Variants in VGLL4 observed in about 807,000 individuals in gnomAD.
VGLL4 encodes the protein vestigial like family member 4.
VGLL4 carries 7 observed loss-of-function variants against 21.0 expected under a neutral mutation model. The observed-to-expected ratio is 0.33, with a 90% CI of 0.19 to 0.63. The LOEUF is 0.63. VGLL4 is among the 20% of genes least tolerant of loss of function. The pLI, the probability that VGLL4 is intolerant of heterozygous loss-of-function variation, is 0.78. For synonymous variants in VGLL4, 222 were observed against 173.2 expected, an observed-to-expected ratio of 1.28 and a Z score of -2.21; for missense variants, 394 against 425.7, an observed-to-expected ratio of 0.93 and a Z score of 0.66.
chr3:11,703,370 T>G (rs2076710612), intron 1 of VGLL4, among the ~76,000 whole-genome samples: 1 of 152,210 alleles, frequency 6.6e-6, no homozygotes, highest in South Asian at 2.1e-4. Context: ...TGTATAAACA[T>G]GCCCAATAAA....
chr3:11,560,174 C>T (rs2072852941), intron 3 of VGLL4, among the ~76,000 whole-genome samples: 1 of 152,212 alleles, frequency 6.6e-6, no homozygotes, highest in Non-Finnish European at 1.5e-5. Flanking sequence ...TTCACTCCTG[C>T]TCCCCTAACC....
At chr3:11,665,220 T>TC (rs2076102486) in intron 2 of VGLL4, among the ~76,000 whole-genome samples, 1 of 147,364 alleles carries the variant, frequency 6.8e-6, no homozygotes, top group African/African-American at 2.5e-5. Context: ...TTCACGCCAT[T>TC]CTCCTGCCTC....
intron 1 of VGLL4, among the ~76,000 whole-genome samples, chr3:11,623,128 C>T (rs2075296262): frequency 6.6e-6 from 1 of 152,104 alleles, no homozygotes; most frequent in Admixed American, 6.5e-5. Flanking sequence ...ATCCTAGCAT[C>T]CACAGGAACC....
At chr3:11,676,202 A>G (rs1484275254) in intron 2 of VGLL4, among the ~76,000 whole-genome samples, 1 of 152,050 alleles carries the variant, frequency 6.6e-6, no homozygotes, top group Non-Finnish European at 1.5e-5. Flanking sequence ...CCTGGCTAAC[A>G]CGGTGAAACC....
intron 1 of VGLL4, among the ~76,000 whole-genome samples, chr3:11,718,355 T>C (rs544857307): frequency 1.3e-5 from 2 of 152,198 alleles, no homozygotes; most frequent in South Asian, 2.1e-4. Flanking sequence ...ATTGAGAGCA[T>C]TGGGACTTAG....
chr3:11,589,635 A>C (rs1289310765), intron 2 of VGLL4, among the ~76,000 whole-genome samples: 1 of 152,208 alleles, frequency 6.6e-6, no homozygotes, highest in Non-Finnish European at 1.5e-5. Flanking sequence ...GCCATAACAA[A>C]ATACTGTGGA....
At chr3:11,560,721 C>G (rs1348900593) in intron 3 of VGLL4, among the ~76,000 whole-genome samples, 2 of 152,200 alleles carry the variant, frequency 1.3e-5, no homozygotes, top group East Asian at 1.9e-4. Flanking sequence ...AGCAGACCAA[C>G]CAAGAATTCA....
intron 1 of VGLL4, among the ~76,000 whole-genome samples, chr3:11,606,145 G>C (rs2074935794): frequency 6.6e-6 from 1 of 152,186 alleles, no homozygotes; most frequent in South Asian, 2.1e-4. Context: ...ATGAGAATGA[G>C]AGAAAGGGGT....
Position 11,653,944 on chromosome 3 carries a change from A to C in VGLL4, c.64+49027T>G, listed in dbSNP as rs1575498062. On this transcript the variant is annotated intron_variant, in intron 2 of 5. Coordinates refer to the VGLL4 transcript ENST00000273038. This position sits in a 1 kb window ranked among gnomAD's most constrained non-coding sequence, Gnocchi z 4.2. ...ACACAGAGGGAAGGGCCCCGGCCAG[A>C]GGCTCTCAACCAAGGAGATTCTGCC... Among the ~76,000 whole-genome samples, 1 of 152,132 alleles carries C rather than the reference A, an allele frequency of 6.6e-6. No individual in the cohort carries two copies. The highest frequency in any genetic ancestry group is 2.4e-5 in the African/African-American group (1 of 41,448).
intron 1 of VGLL4, among the ~76,000 whole-genome samples, chr3:11,626,919 C>T (rs1183775224): frequency 1.3e-5 from 2 of 149,192 alleles, no homozygotes; most frequent in Admixed American, 1.3e-4. Context: ...GATGTCTTGC[C>T]CTCAAGGAAT....
chr3:11,618,960 G>GAA (rs1426318993), intron 1 of VGLL4, among the ~76,000 whole-genome samples: 1 of 152,174 alleles, frequency 6.6e-6, no homozygotes, highest in African/African-American at 2.4e-5. Flanking sequence ...GAGAAGCCAG[G>GAA]AAGGGCTGAC....
intron 2 of VGLL4, among the ~76,000 whole-genome samples, chr3:11,588,713 G>T (rs563251831): frequency 6.6e-6 from 1 of 152,386 alleles, no homozygotes; most frequent in African/African-American, 2.4e-5. Context: ...CAAATGGAAA[G>T]AGAGTTGTAT....
intron 1 of VGLL4, among the ~76,000 whole-genome samples, chr3:11,704,297 C>T (rs2076725889): frequency 6.8e-6 from 1 of 146,210 alleles, no homozygotes; most frequent in Non-Finnish European, 1.5e-5. Context: ...GCAGGAAGAT[C>T]GCTTGTACCC....
At chr3:11,698,370 G>A (rs754189874) in intron 2 of VGLL4, among the ~76,000 whole-genome samples, 9 of 152,058 alleles carry the variant, frequency 5.9e-5, no homozygotes, top group Admixed American at 2.6e-4. Flanking sequence ...TTAGCTGGGC[G>A]TGGTGACACA....
intron 3 of VGLL4, among the ~76,000 whole-genome samples, chr3:11,561,134 C>CCA (rs374477829): frequency 1.3e-5 from 2 of 151,718 alleles, no homozygotes; most frequent in African/African-American, 4.9e-5. Flanking sequence ...GACCCCCCCC[C>CCA]AGGGTCCTCC....
At chr3:11,617,538 C>A (rs1241677714) in intron 1 of VGLL4, among the ~76,000 whole-genome samples, 5 of 152,170 alleles carry the variant, frequency 3.3e-5, no homozygotes, top group Admixed American at 3.3e-4. Context: ...GAAGCTTCAA[C>A]AATGTTCCTA....
chr3:11,697,023 G>T (rs544660847), intron 2 of VGLL4, among the ~76,000 whole-genome samples: 1 of 151,784 alleles, frequency 6.6e-6, no homozygotes, highest in South Asian at 2.1e-4. Context: ...GATTAGAGGT[G>T]TAAGCCACCA....
chr3:11,618,865 C>T (rs1287688424), intron 1 of VGLL4, among the ~76,000 whole-genome samples: 2 of 152,142 alleles, frequency 1.3e-5, no homozygotes, highest in Non-Finnish European at 2.9e-5. Flanking sequence ...GGGGATGTTG[C>T]TTACTTTTCA....
At chr3:11,566,180 G>A (rs558027105) in intron 2 of VGLL4, among the ~76,000 whole-genome samples, 4 of 152,112 alleles carry the variant, frequency 2.6e-5, no homozygotes, top group South Asian at 2.1e-4. Context: ...ACAATGTTAC[G>A]CATGCACACA....
Sources: allele counts gnomAD v4.1 joint callset (sites outside exome capture counted in the v4.1 genomes callset), GRCh38; gene constraint gnomAD v4.1.1; non-coding constraint Gnocchi (gnomAD v3.1); transcripts MANE v1.5; gene names NCBI Gene and HGNC (gene_info 2026-07-23, HGNC 2026-07-21).